Variants in ITGB6 observed in about 807,000 individuals in gnomAD.
ITGB6 encodes the protein integrin beta-6.
In ITGB6, 80 loss-of-function variants were observed where a neutral mutation model predicts 84.5. That is an observed-to-expected ratio of 0.95 (90% CI 0.79 to 1.14). The LOEUF is 1.14. ITGB6 is among the 50% of genes most tolerant of loss of function. The probability of loss-of-function intolerance (pLI) is 0.00; values close to 1 mark genes in which losing one functional copy is unlikely to be tolerated. For synonymous variants in ITGB6, 383 were observed against 354.9 expected, an observed-to-expected ratio of 1.08 and a Z score of -0.89; for missense variants, 1,006 against 968.0, an observed-to-expected ratio of 1.04 and a Z score of -0.52.
Position 160,101,214 on chromosome 2 carries a change from T to G in ITGB6, c.*522A>C, listed in dbSNP as rs886810754. 1.3e-5 allele frequency: 2 copies of G among 152,760 alleles called. No individual in the cohort carries two copies. Among genetic ancestry groups the G allele is most frequent in the Non-Finnish European group, 2.9e-5 (2 of 68,480 alleles). The allele number at this position is 152,760 out of a possible 1,614,324, so 9.5% of individuals were successfully genotyped here. A position where few individuals can be genotyped will look rare whatever the true frequency, so the allele number is the denominator to read the frequency against. On this transcript the variant is annotated 3_prime_UTR_variant, in exon 15 of 15. Coordinates refer to ENST00000283249, the MANE Select transcript of ITGB6 (RefSeq NM_000888.5). ...AACTTTCAACCTTATATTTGAGATA[T>G]CTTCAGAAGAATTGCAACCTTTTAG...
intron 7 of ITGB6, among the ~76,000 whole-genome samples, chr2:160,163,831 G>A (rs1024124348): frequency 6.6e-6 from 1 of 152,118 alleles, no homozygotes; most frequent in Non-Finnish European, 1.5e-5. Context: ...GAGTTTAAAT[G>A]ATAAAATGAG....
intron 4 of ITGB6, among the ~76,000 whole-genome samples, chr2:160,192,272 T>C (rs890063451): frequency 6.6e-6 from 1 of 152,148 alleles, no homozygotes. Context: ...CATGGGTATA[T>C]GCAATGGATC....
chr2:160,115,002 T>G (rs916370805), intron 12 of ITGB6, among the ~76,000 whole-genome samples: 2 of 152,166 alleles, frequency 1.3e-5, no homozygotes, highest in African/African-American at 4.8e-5. Context: ...GCTGGGAAGC[T>G]CAAACTGGGT....
chr2:160,180,837 G>C (rs924107018), intron 4 of ITGB6, among the ~76,000 whole-genome samples: 1 of 152,152 alleles, frequency 6.6e-6, no homozygotes, highest in South Asian at 2.1e-4. Flanking sequence ...GCCTACAAAG[G>C]GTGAGCCGAA....
chr2:160,158,053 C>A (rs557915066), intron 7 of ITGB6, among the ~76,000 whole-genome samples: 82 of 152,268 alleles, frequency 5.4e-4, no homozygotes, highest in African/African-American at 1.9e-3. Context: ...ACCCAAGATT[C>A]CAAAAAGAAC....
At chr2:160,192,727 T>TC in intron 4 of ITGB6, among the ~76,000 whole-genome samples, 1 of 152,218 alleles carries the variant, frequency 6.6e-6, no homozygotes, top group Middle Eastern at 3.4e-3. Flanking sequence ...ATCTATTTTT[T>TC]GGCAAAATAT....
At chr2:160,126,801 T>G (rs888669744) in intron 10 of ITGB6, among the ~76,000 whole-genome samples, 200 bp from the exon 11 acceptor site, 3 of 152,260 alleles carry the variant, frequency 2.0e-5, no homozygotes, top group African/African-American at 7.2e-5. Flanking sequence ...TGTGCATACT[T>G]AGATCTGGTC....
intron 12 of ITGB6, among the ~76,000 whole-genome samples, chr2:160,116,740 C>T (rs1339278832): frequency 6.6e-6 from 1 of 152,118 alleles, no homozygotes; most frequent in East Asian, 1.9e-4. Flanking sequence ...AGACTCAAGA[C>T]CCATCAGTGT....
chr2:160,153,349 A>G (rs1046299988), intron 7 of ITGB6, among the ~76,000 whole-genome samples: 9 of 152,244 alleles, frequency 5.9e-5, no homozygotes, highest in Non-Finnish European at 1.3e-4. Flanking sequence ...AGGATTCCCT[A>G]TTTAATAAAT....
chr2:160,114,660 T>C (rs1682683839), intron 12 of ITGB6, among the ~76,000 whole-genome samples: 1 of 152,076 alleles, frequency 6.6e-6, no homozygotes, highest in African/African-American at 2.4e-5. Context: ...TGGGTGCAGG[T>C]CAGTGGGTGC....
At chr2:160,152,627 G>C (rs1684471341) in intron 7 of ITGB6, among the ~76,000 whole-genome samples, 1 of 152,118 alleles carries the variant, frequency 6.6e-6, no homozygotes, top group Non-Finnish European at 1.5e-5. Flanking sequence ...GAAATAAAGG[G>C]TATTCAGTTA....
At position 160,138,066 on chromosome 2, in the gene ITGB6, G is replaced by C. The variant is rs779801184; in HGVS notation, c.1241C>G (p.Thr414Arg). 1 of 1,611,484 alleles carries C rather than the reference G, an allele frequency of 6.2e-7. No individual in the cohort carries two copies. The highest frequency in any genetic ancestry group is 8.5e-7 in the Non-Finnish European group (1 of 1,179,078). Residue 414 changes from threonine (T) to arginine (R), a missense_variant and splice_region_variant, in exon 9 of 15, where the codon ACA becomes AGA. Transcript: ENST00000283249. The part of the protein sequence containing the change: ...KKCSHMKVGD[T>R]ASFSVTVNIP... Reference sequence around the variant, plus strand: ...ACTATCTACTGGCCAGCTACTTACTGTGTCTCCCACTTTCATGTGAGAGCA... The same window carrying C: ...ACTATCTACTGGCCAGCTACTTACTCTGTCTCCCACTTTCATGTGAGAGCA...
intron 4 of ITGB6, among the ~76,000 whole-genome samples, chr2:160,190,750 G>A (rs540864501): frequency 1.3e-5 from 2 of 152,310 alleles, no homozygotes; most frequent in East Asian, 3.9e-4. Context: ...ATTAAGGACA[G>A]GGTCTCATTG....
At chr2:160,103,551 T>G (rs1324992631) in intron 14 of ITGB6, among the ~76,000 whole-genome samples, 3 of 152,204 alleles carry the variant, frequency 2.0e-5, no homozygotes, top group Non-Finnish European at 4.4e-5. Context: ...CTAGTCTTGC[T>G]GCTCTAAGAA....
At chr2:160,129,407 A>AAG (rs1249820739) in intron 10 of ITGB6, among the ~76,000 whole-genome samples, 5 of 151,498 alleles carry the variant, frequency 3.3e-5, no homozygotes, top group Admixed American at 1.3e-4. Flanking sequence ...AAAAAAAAAA[A>AAG]AAAGAAATGT....
At chr2:160,120,087 A>C (rs1682965900) in intron 12 of ITGB6, among the ~76,000 whole-genome samples, 1 of 151,452 alleles carries the variant, frequency 6.6e-6, no homozygotes, top group Non-Finnish European at 1.5e-5. Context: ...AACTAGTTCA[A>C]CCATTGTGGA....
At chr2:160,160,787 G>A (rs182324040) in intron 7 of ITGB6, among the ~76,000 whole-genome samples, 9 of 152,202 alleles carry the variant, frequency 5.9e-5, no homozygotes, top group Admixed American at 3.3e-4. Flanking sequence ...CTTACAGTCC[G>A]GGCCAGCCTC....
intron 7 of ITGB6, among the ~76,000 whole-genome samples, chr2:160,154,873 C>G (rs559763201): frequency 6.6e-6 from 1 of 152,258 alleles, no homozygotes; most frequent in East Asian, 1.9e-4. Flanking sequence ...GGATTTGGGT[C>G]TCCGCCCAAA....
intron 12 of ITGB6, among the ~76,000 whole-genome samples, chr2:160,113,840 T>C (rs2105782545): frequency 6.6e-6 from 1 of 152,350 alleles, no homozygotes; most frequent in East Asian, 1.9e-4. Flanking sequence ...TATTTGGCCT[T>C]TACCACATCT....
Sources: allele counts gnomAD v4.1 joint callset (sites outside exome capture counted in the v4.1 genomes callset), GRCh38; gene constraint gnomAD v4.1.1; transcripts MANE v1.5; gene names NCBI Gene and HGNC (gene_info 2026-07-23, HGNC 2026-07-21).